IGF1R: variants seen among roughly 807,000 people sequenced by gnomAD.
IGF1R encodes insulin-like growth factor 1 receptor.
Under a neutral mutation model 144.6 loss-of-function variants are expected in IGF1R, and 44 were observed. That is an observed-to-expected ratio of 0.30 (90% CI 0.24 to 0.39). The LOEUF (loss-of-function observed/expected upper bound fraction) is 0.39, where lower values mean the gene tolerates loss of function less well. Among genes scored for constraint, IGF1R ranks in the 10% least tolerant of loss-of-function variants. The pLI is 1.00. For missense variants in IGF1R, 1,355 were observed against 1,833.7 expected, an observed-to-expected ratio of 0.74 and a Z score of 4.77; for synonymous variants, 795 against 722.8, an observed-to-expected ratio of 1.10 and a Z score of -1.60.
At chr15:98,718,946 G>C (rs1269185334) in intron 2 of IGF1R, among the ~76,000 whole-genome samples, 1 of 151,914 alleles carries the variant, frequency 6.6e-6, no homozygotes, top group African/African-American at 2.4e-5. Flanking sequence ...TTTGTTCCTG[G>C]GGTGGTAACC....
intron 2 of IGF1R, among the ~76,000 whole-genome samples, chr15:98,793,030 C>A (rs759810841): frequency 6.6e-6 from 1 of 152,144 alleles, no homozygotes; most frequent in Non-Finnish European, 1.5e-5. Flanking sequence ...TCTGCTGATA[C>A]AAAGACTGGT....
chr15:98,919,191 A>C (rs910242340), intron 10 of IGF1R, among the ~76,000 whole-genome samples: 17 of 152,132 alleles, frequency 1.1e-4, no homozygotes, highest in Non-Finnish European at 1.5e-5. Flanking sequence ...CCTCATTCCC[A>C]CACACCGACT....
intron 2 of IGF1R, among the ~76,000 whole-genome samples, chr15:98,710,833 A>G (rs1252421834): frequency 6.6e-6 from 1 of 151,088 alleles, no homozygotes; most frequent in African/African-American, 2.4e-5. Context: ...TGCCCGTCTA[A>G]TTTTTGTATT....
chr15:98,938,027 G>C (rs562369139), intron 17 of IGF1R, among the ~76,000 whole-genome samples: 13 of 152,358 alleles, frequency 8.5e-5, no homozygotes, highest in African/African-American at 3.1e-4. Context: ...GTGTCACCAA[G>C]TGTAGAGAAC....
intron 3 of IGF1R, chr15:98,893,523 CA>C (rs1013581928): frequency 6.6e-6 from 1 of 152,210 alleles, no homozygotes; most frequent in African/African-American, 2.4e-5. Context: ...ACCTCGGGCC[CA>C]GGGGCAGTGC....
At chr15:98,780,549 CAA>C (rs1192949160) in intron 2 of IGF1R, among the ~76,000 whole-genome samples, 252 of 23,780 alleles carry the variant, frequency 0.011, 2 homozygotes, top group African/African-American at 0.012. Flanking sequence ...AACTCTGTCT[CAA>C]AAAAAAAAAA....
At position 98,875,710 on chromosome 15, in the gene IGF1R, C is replaced by G. The variant is rs549782193; in HGVS notation, c.641-15615C>G. Among the ~76,000 whole-genome samples, 7 of 152,206 alleles carry G rather than the reference C, an allele frequency of 4.6e-5. No homozygotes were observed. The East Asian group carries it at 1.4e-3, about 29-fold the overall frequency. ...GCAAATTCCTTTGATCCCTGAAAAT[C>G]AGCTAATGTTTGGGAGGCAATTAAA... On this transcript the variant is annotated intron_variant, in intron 2 of 20. Coordinates refer to ENST00000650285, the MANE Select transcript of IGF1R (RefSeq NM_000875.5).
chr15:98,893,635 G>A (rs1412851001), intron 3 of IGF1R: 2 of 152,172 alleles, frequency 1.3e-5, no homozygotes, highest in Non-Finnish European at 2.9e-5. Flanking sequence ...GTGTGCTATC[G>A]TCTTTGTTTT....
In IGF1R at chr15:98,808,717, T is replaced by C. The variant is rs1007520499; in HGVS notation, c.641-82608T>C. On this transcript the variant is annotated intron_variant, in intron 2 of 20. Coordinates refer to ENST00000650285, the MANE Select transcript of IGF1R (RefSeq NM_000875.5). ...TTTGAAGAGACAGGGTCTTGCCTTA[T>C]TGCCTACACTGGAGTGCAGTGGTGC... is the stretch of plus-strand genomic sequence containing the variant. Among the ~76,000 whole-genome samples the C allele has an allele frequency of 2.7e-5, 4 of 150,072 alleles. No individual in the cohort carries two copies. The Admixed American group carries it at 2.7e-4, about 10-fold the overall frequency.
chr15:98,811,846 A>G (rs1489738399), intron 2 of IGF1R, among the ~76,000 whole-genome samples: 2 of 152,118 alleles, frequency 1.3e-5, no homozygotes, highest in African/African-American at 4.8e-5. Context: ...GAATGGCATG[A>G]GCCCGGGAGG....
chr15:98,855,104 G>A (rs192367494), intron 2 of IGF1R, among the ~76,000 whole-genome samples: 24 of 152,214 alleles, frequency 1.6e-4, no homozygotes, highest in Admixed American at 8.5e-4. Context: ...TGCCTTCCGC[G>A]CTAATGGGAC....
In IGF1R at chr15:98,957,411, C is replaced by T. The variant is rs1357986077; in HGVS notation, c.4073C>T (p.Ala1358Val). The change falls in exon 21 of 21, where the codon GCC becomes GTC. Residue 1358 changes from alanine (A) to valine (V), a missense_variant. Coordinates refer to ENST00000650285, the MANE Select transcript of IGF1R (RefSeq NM_000875.5). ...AACGGGGGCCGCAAGAACGAGCGGGCCTTGCCGCTGCCCCAGTCTTCGACC... is the reference window on the plus strand; with the variant it reads ...AACGGGGGCCGCAAGAACGAGCGGGTCTTGCCGCTGCCCCAGTCTTCGACC... The part of the protein sequence containing the change: ...HMNGGRKNER[A>V]LPLPQSSTC The T allele has an allele frequency of 1.2e-6, 2 of 1,613,262 alleles. No individual in the cohort carries two copies. The highest frequency in any genetic ancestry group is 1.3e-5 in the African/African-American group (1 of 75,074).
At chr15:98,689,234 C>CTTTTTTTT (rs890361771) in intron 1 of IGF1R, among the ~76,000 whole-genome samples, 2 of 100,922 alleles carry the variant, frequency 2.0e-5, no homozygotes, top group African/African-American at 3.9e-5. Context: ...AGTTGCACTA[C>CTTTTTTTT]TTTTTTTTTT....
At chr15:98,831,178 A>G (rs1030588454) in intron 2 of IGF1R, among the ~76,000 whole-genome samples, 1 of 152,200 alleles carries the variant, frequency 6.6e-6, no homozygotes, top group African/African-American at 2.4e-5. Flanking sequence ...CATTCAAACT[A>G]TATCTACGAC....
chr15:98,690,846 G>T (rs2053459554), intron 1 of IGF1R, among the ~76,000 whole-genome samples: 1 of 152,148 alleles, frequency 6.6e-6, no homozygotes, highest in African/African-American at 2.4e-5. Context: ...GGCGGTGTTG[G>T]CGGGTCAGGC....
chr15:98,853,523 A>T (rs568771025), intron 2 of IGF1R, among the ~76,000 whole-genome samples: 7 of 152,250 alleles, frequency 4.6e-5, no homozygotes. Flanking sequence ...ATTCTAAATG[A>T]CATCCAGTCT....
At chr15:98,832,955 C>T (rs565350686) in intron 2 of IGF1R, among the ~76,000 whole-genome samples, 1 of 152,292 alleles carries the variant, frequency 6.6e-6, no homozygotes, top group South Asian at 2.1e-4. Flanking sequence ...TCTTTCATGA[C>T]TTTGTTTGGT....
chr15:98,803,247 CATGTTGCTGTTCTGAACGCTGT>C (rs2056399204), intron 2 of IGF1R, among the ~76,000 whole-genome samples: 1 of 152,174 alleles, frequency 6.6e-6, no homozygotes, highest in African/African-American at 2.4e-5. Context: ...ACCCGTGGAG[CATGTTGCTGTTCTGAACGCTGT>C]AGGCAATGGT....
chr15:98,656,926 T>G (rs1319805010), intron 1 of IGF1R, among the ~76,000 whole-genome samples: 1 of 152,258 alleles, frequency 6.6e-6, no homozygotes. Context: ...TGGAATTATT[T>G]GTCAGTTTAA....
Sources: allele counts gnomAD v4.1 joint callset (sites outside exome capture counted in the v4.1 genomes callset), GRCh38; gene constraint gnomAD v4.1.1; transcripts MANE v1.5; gene names NCBI Gene and HGNC (gene_info 2026-07-23, HGNC 2026-07-21).